The following ZNF385D variants were observed in gnomAD, a reference collection of about 807,000 sequenced individuals.
The protein encoded by ZNF385D is zinc finger protein 385D.
Under a neutral mutation model 35.8 loss-of-function variants are expected in ZNF385D, and 15 were observed. The ratio of observed to expected loss-of-function variants is 0.42; its 90% CI spans 0.28 to 0.64. The LOEUF (loss-of-function observed/expected upper bound fraction) is 0.64, where lower values mean the gene tolerates loss of function less well. Among genes scored for constraint, ZNF385D ranks in the 30% least tolerant of loss-of-function variants. The probability of loss-of-function intolerance (pLI) is 0.23; values close to 1 mark genes in which losing one functional copy is unlikely to be tolerated. For synonymous variants in ZNF385D, 212 were observed against 186.8 expected, an observed-to-expected ratio of 1.13 and a Z score of -1.10; for missense variants, 474 against 494.6, an observed-to-expected ratio of 0.96 and a Z score of 0.39.
intron 2 of ZNF385D, among the ~76,000 whole-genome samples, chr3:21,623,523 G>A (rs2065060548): frequency 6.6e-6 from 1 of 151,958 alleles, no homozygotes; most frequent in South Asian, 2.1e-4. Context: ...CATGCTTGTA[G>A]TCTTAGCTAG....
Position 21,727,628 on chromosome 3 carries a change from G to T in ZNF385D, c.22+23267C>A, listed in dbSNP as rs540228415. On this transcript the variant is annotated intron_variant, in intron 1 of 7. Transcript: ENST00000281523. ...AAACCGCAATGAGATACCATCTCAC[G>T]CCAGTCAGAATGGCAATCATTAAAA... Among the ~76,000 whole-genome samples the T allele has an allele frequency of 2.0e-5, 3 of 152,254 alleles. No homozygotes were observed. In the South Asian group the frequency reaches 6.2e-4, roughly 32 times the overall value.
chr3:21,548,848 C>A (rs942372229), intron 3 of ZNF385D, among the ~76,000 whole-genome samples: 1 of 152,178 alleles, frequency 6.6e-6, no homozygotes, highest in Non-Finnish European at 1.5e-5. Flanking sequence ...TATTTCTTGT[C>A]CACCTAGCTG....
intron 3 of ZNF385D, among the ~76,000 whole-genome samples, chr3:22,030,730 A>T (rs1697950353): frequency 1.3e-5 from 2 of 152,188 alleles, no homozygotes; most frequent in South Asian, 4.2e-4. Flanking sequence ...TCTTTTTCAC[A>T]TTTCAAAACC....
At chr3:21,548,186 G>A (rs1207288804) in intron 3 of ZNF385D, among the ~76,000 whole-genome samples, 2 of 152,124 alleles carry the variant, frequency 1.3e-5, no homozygotes, top group African/African-American at 2.4e-5. Context: ...CTAAATTTTC[G>A]TGGCGGTGAT....
At chr3:21,596,593 G>C (rs150377116) in intron 2 of ZNF385D, among the ~76,000 whole-genome samples, 1 of 150,130 alleles carries the variant, frequency 6.7e-6, no homozygotes, top group Non-Finnish European at 1.5e-5. Context: ...CAATCCTCCT[G>C]CCTCAGCCTA....
chr3:21,975,704 T>C (rs13327151), intron 3 of ZNF385D, among the ~76,000 whole-genome samples: 20 of 1,048 alleles, frequency 0.019, no homozygotes, highest in African/African-American at 0.11. Context: ...ACCCACGAAA[T>C]ATATATATAT....
chr3:21,793,531 AT>A (rs5847138), intron 3 of ZNF385D, among the ~76,000 whole-genome samples: 11,235 of 152,256 alleles, frequency 0.074, 604 homozygotes, highest in Non-Finnish European at 0.11. Context: ...GCATGTTAAA[AT>A]TTGAGGAGCA....
chr3:21,602,189 A>G (rs1194835284), intron 2 of ZNF385D, among the ~76,000 whole-genome samples: 1 of 151,968 alleles, frequency 6.6e-6, no homozygotes, highest in Non-Finnish European at 1.5e-5. Flanking sequence ...GGAGAACAGT[A>G]TGGGGGAAAC....
chr3:21,893,796 A>G (rs1699000714), intron 3 of ZNF385D, among the ~76,000 whole-genome samples: 1 of 152,206 alleles, frequency 6.6e-6, no homozygotes, highest in Admixed American at 6.5e-5. Flanking sequence ...TATCAAAGCC[A>G]TGGTTGTAAA....
chr3:21,620,931 G>A (rs1335217265), intron 2 of ZNF385D, among the ~76,000 whole-genome samples: 1 of 152,084 alleles, frequency 6.6e-6, no homozygotes, highest in African/African-American at 2.4e-5. Context: ...ATTAAACACT[G>A]TAGGTAAGCA....
intron 1 of ZNF385D, among the ~76,000 whole-genome samples, chr3:21,680,899 T>C (rs1256425254): frequency 1.3e-5 from 2 of 152,196 alleles, no homozygotes; most frequent in South Asian, 2.1e-4. Flanking sequence ...TCTACCCTTG[T>C]AGGCAAGCCC....
intron 3 of ZNF385D, among the ~76,000 whole-genome samples, chr3:22,042,371 C>T (rs1233764465): frequency 1.3e-5 from 2 of 151,872 alleles, no homozygotes; most frequent in African/African-American, 2.4e-5. Flanking sequence ...ATACAGTTGA[C>T]GATGAATACT....
intron 2 of ZNF385D, among the ~76,000 whole-genome samples, chr3:22,171,170 C>G (rs112214229): frequency 6.6e-6 from 1 of 152,120 alleles, no homozygotes; most frequent in Non-Finnish European, 1.5e-5. Context: ...TTTCCTCCAG[C>G]GTGAACAGCT....
chr3:22,103,106 A>G, intron 3 of ZNF385D, among the ~76,000 whole-genome samples: 1 of 151,776 alleles, frequency 6.6e-6, no homozygotes, highest in East Asian at 1.9e-4. Flanking sequence ...ATATAATTCA[A>G]TTAATCATGT....
intron 3 of ZNF385D, among the ~76,000 whole-genome samples, chr3:22,155,707 C>T (rs539272728): frequency 2.6e-4 from 39 of 152,124 alleles, no homozygotes; most frequent in African/African-American, 9.2e-4. Flanking sequence ...TGTAATTTTT[C>T]TGCCATAAAA....
Position 21,419,103 on chromosome 3 carries a change from C to G in ZNF385D, c.*2111G>C, listed in dbSNP as rs1700631260. 1 of 153,028 alleles carries G rather than the reference C, an allele frequency of 6.5e-6. No homozygotes were observed. The highest frequency in any genetic ancestry group is 2.4e-5 in the African/African-American group (1 of 41,422). The allele number at this position is 153,028 out of a possible 1,614,324, so 9.5% of individuals were successfully genotyped here. A position where few individuals can be genotyped will look rare whatever the true frequency, so the allele number is the denominator to read the frequency against. On this transcript the variant is annotated 3_prime_UTR_variant, in exon 8 of 8. Transcript: ENST00000281523. Reference sequence around the variant, plus strand: ...AAGCATGGTTTGAAATTCTTTCTACCAGAATACTGATGGAACACATTATCT... The same window carrying G: ...AAGCATGGTTTGAAATTCTTTCTACGAGAATACTGATGGAACACATTATCT...
At chr3:21,994,179 A>G (rs983645070) in intron 3 of ZNF385D, among the ~76,000 whole-genome samples, 41 of 152,312 alleles carry the variant, frequency 2.7e-4, no homozygotes, top group African/African-American at 9.4e-4. Context: ...GTGTTCCTGG[A>G]CATCTGGTAG....
chr3:21,621,268 T>C (rs768513942), intron 2 of ZNF385D, among the ~76,000 whole-genome samples: 18 of 152,176 alleles, frequency 1.2e-4, no homozygotes, highest in Non-Finnish European at 1.5e-5. Flanking sequence ...TGAATACAGC[T>C]GTACTGCAAG....
At chr3:21,924,704 G>A (rs993409218) in intron 3 of ZNF385D, among the ~76,000 whole-genome samples, 1 of 152,122 alleles carries the variant, frequency 6.6e-6, no homozygotes, top group African/African-American at 2.4e-5. Context: ...CCTCCATAGT[G>A]TTAGTGGAGA....
Sources: allele counts gnomAD v4.1 joint callset (sites outside exome capture counted in the v4.1 genomes callset), GRCh38; gene constraint gnomAD v4.1.1; transcripts MANE v1.5; gene names NCBI Gene and HGNC (gene_info 2026-07-23, HGNC 2026-07-21).